The following ARID5B variants were observed in gnomAD, a reference collection of about 807,000 sequenced individuals.
The protein encoded by ARID5B is AT-rich interaction domain 5B.
Under a neutral mutation model 97.2 loss-of-function variants are expected in ARID5B, and 13 were observed. The observed-to-expected ratio is 0.13, with a 90% CI of 0.09 to 0.21. The LOEUF is 0.21. Among genes scored for constraint, ARID5B ranks in the 10% least tolerant of loss-of-function variants. The pLI is 1.00. For missense variants in ARID5B, 1,210 were observed against 1,465.3 expected, an observed-to-expected ratio of 0.83 and a Z score of 2.84; for synonymous variants, 556 against 570.3, an observed-to-expected ratio of 0.97 and a Z score of 0.36.
intron 2 of ARID5B, among the ~76,000 whole-genome samples, chr10:61,924,222 T>C (rs139168544): frequency 1.8e-3 from 279 of 152,272 alleles, no homozygotes; most frequent in African/African-American, 6.4e-3. Flanking sequence ...GGCAAAAGAG[T>C]TGGACTCAGG....
chr10:62,044,411 C>T (rs553402523), intron 4 of ARID5B, among the ~76,000 whole-genome samples: 115 of 145,518 alleles, frequency 7.9e-4, no homozygotes, highest in African/African-American at 2.9e-3. Flanking sequence ...GACAAGGTCT[C>T]ACTCTGTCAC....
At chr10:62,019,092 G>C (rs576565072) in intron 4 of ARID5B, among the ~76,000 whole-genome samples, 1 of 152,142 alleles carries the variant, frequency 6.6e-6, no homozygotes, top group Non-Finnish European at 1.5e-5. Context: ...TTCCCTGGAG[G>C]TGTTGGAGCT....
chr10:62,032,569 G>A lies in ARID5B; in HGVS notation c.734-18319G>A, dbSNP rs372325074. On this transcript the variant is annotated intron_variant, in intron 4 of 9. Coordinates refer to ENST00000279873, the MANE Select transcript of ARID5B (RefSeq NM_032199.3). ...GTCTCTACTAAGAATACAAAAATTA[G>A]CCGGGCGTGGTGATGGGCGCCTGTA... is the stretch of plus-strand genomic sequence containing the variant. 5.4e-3 allele frequency among the ~76,000 whole-genome samples: 816 copies of A among 152,168 alleles called. 5 individuals are homozygous for A. Among genetic ancestry groups the A allele is most frequent in the African/African-American group, 0.019 (792 of 41,528 alleles).
At chr10:61,946,479 G>A (rs973655354) in intron 3 of ARID5B, among the ~76,000 whole-genome samples, 2 of 152,120 alleles carry the variant, frequency 1.3e-5, no homozygotes, top group African/African-American at 4.8e-5. Context: ...ATATTAAAGA[G>A]TCTTTTGAAG....
chr10:61,965,447 C>G (rs1277458481), intron 3 of ARID5B, among the ~76,000 whole-genome samples: 1 of 151,932 alleles, frequency 6.6e-6, no homozygotes, highest in Admixed American at 6.6e-5. Context: ...TAATAATATA[C>G]CTTTACCCTC....
At chr10:62,072,218 C>T (rs1382708479) in intron 8 of ARID5B, among the ~76,000 whole-genome samples, 3 of 152,158 alleles carry the variant, frequency 2.0e-5, no homozygotes, top group Non-Finnish European at 4.4e-5. Context: ...CCTGAGGAGG[C>T]GGTGCTCCCT....
chr10:61,913,666 T>C (rs568912850), intron 2 of ARID5B, among the ~76,000 whole-genome samples: 53 of 152,324 alleles, frequency 3.5e-4, no homozygotes, highest in African/African-American at 1.2e-3. Flanking sequence ...CTTATACCAG[T>C]GCATGGTGCC....
intron 4 of ARID5B, among the ~76,000 whole-genome samples, chr10:62,039,287 A>G (rs1192826377): frequency 6.6e-6 from 1 of 152,258 alleles, no homozygotes; most frequent in African/African-American, 2.4e-5. Context: ...CAATATAAGT[A>G]TGATACAGTA....
Position 62,090,842 on chromosome 10 carries a change from CT to C in ARID5B, c.1399-16del. On this transcript the variant is annotated intron_variant, in intron 9 of 9. Transcript: ENST00000279873. ...GTGTATTTGGTTTTCTTCTGACTGT[CT>C]TTTGAAATATGTTACCAGGTTTCAT... is the stretch of plus-strand genomic sequence containing the variant. 1 of 1,539,918 alleles carries C rather than the reference CT, an allele frequency of 6.5e-7. No individual in the cohort carries two copies. The highest frequency in any genetic ancestry group is 8.7e-7 in the Non-Finnish European group (1 of 1,149,780).
intron 4 of ARID5B, among the ~76,000 whole-genome samples, chr10:62,022,554 C>T (rs749994900): frequency 2.0e-5 from 3 of 152,172 alleles, no homozygotes; most frequent in African/African-American, 4.8e-5. Flanking sequence ...TGCTGTGTTG[C>T]TTTTCCTTTT....
intron 3 of ARID5B, among the ~76,000 whole-genome samples, chr10:61,978,189 T>C (rs1589243324): frequency 6.6e-6 from 1 of 152,356 alleles, no homozygotes; most frequent in Admixed American, 6.5e-5. Flanking sequence ...GTATTATTTC[T>C]GAGGGCTCTG....
chr10:61,935,457 AAG>A (rs1364987886), intron 2 of ARID5B, among the ~76,000 whole-genome samples: 2 of 152,098 alleles, frequency 1.3e-5, no homozygotes, highest in Non-Finnish European at 2.9e-5. Context: ...AGGCTGCTTT[AAG>A]AAGCAGCCTC....
intron 3 of ARID5B, among the ~76,000 whole-genome samples, chr10:61,980,738 C>T (rs1329121612): frequency 6.6e-6 from 1 of 152,198 alleles, no homozygotes; most frequent in South Asian, 2.1e-4. Flanking sequence ...AGTGAAGGAA[C>T]TAGAATGGCA....
chr10:62,016,630 C>T (rs7068087), intron 4 of ARID5B, among the ~76,000 whole-genome samples: 7,925 of 152,270 alleles, frequency 0.052, 232 homozygotes, highest in African/African-American at 0.07. Context: ...TTGCTCCCCA[C>T]GAAACCTATA....
chr10:61,930,135 G>A (rs983804469), intron 2 of ARID5B, among the ~76,000 whole-genome samples: 4 of 152,230 alleles, frequency 2.6e-5, no homozygotes, highest in Admixed American at 2.6e-4. Flanking sequence ...AGAGAAAGAA[G>A]ACCACATCCC....
chr10:62,022,136 T>C (rs1405674442), intron 4 of ARID5B, among the ~76,000 whole-genome samples: 1 of 152,208 alleles, frequency 6.6e-6, no homozygotes, highest in Admixed American at 6.5e-5. Flanking sequence ...TTTGCCCATA[T>C]AGTCCAGTGG....
At chr10:62,015,112 T>C (rs566245604) in intron 4 of ARID5B, among the ~76,000 whole-genome samples, 7 of 152,240 alleles carry the variant, frequency 4.6e-5, no homozygotes, top group Admixed American at 1.3e-4. Context: ...GAGCATACCA[T>C]GTATCAGGCA....
chr10:61,991,121 T>C (rs1011750048), intron 3 of ARID5B, among the ~76,000 whole-genome samples: 1 of 152,040 alleles, frequency 6.6e-6, no homozygotes, highest in Non-Finnish European at 1.5e-5. Flanking sequence ...GGGTTGTTTC[T>C]ACCTTTTGGC....
At chr10:61,936,831 CCCT>C (rs1784764964) in intron 2 of ARID5B, among the ~76,000 whole-genome samples, 1 of 145,568 alleles carries the variant, frequency 6.9e-6, no homozygotes, top group South Asian at 2.2e-4. Flanking sequence ...ACCTGGGTTT[CCCT>C]TTTTTTCTTC....
Sources: allele counts gnomAD v4.1 joint callset (sites outside exome capture counted in the v4.1 genomes callset), GRCh38; gene constraint gnomAD v4.1.1; transcripts MANE v1.5; gene names NCBI Gene and HGNC (gene_info 2026-07-23, HGNC 2026-07-21).